The following SLC1A1 variants were observed in gnomAD, a reference collection of about 807,000 sequenced individuals.
The protein encoded by SLC1A1 is solute carrier family 1 member 1.
A neutral mutation model predicts 53.3 loss-of-function variants in SLC1A1; 43 were observed. The ratio of observed to expected loss-of-function variants is 0.81; its 90% CI spans 0.63 to 1.04. The LOEUF is 1.04. Among genes scored for constraint, SLC1A1 ranks in the 50% least tolerant of loss-of-function variants. The pLI, the probability that SLC1A1 is intolerant of heterozygous loss-of-function variation, is 0.00. For missense variants in SLC1A1, 748 were observed against 664.9 expected, an observed-to-expected ratio of 1.12 and a Z score of -1.37; for synonymous variants, 307 against 243.2, an observed-to-expected ratio of 1.26 and a Z score of -2.44.
chr9:4,532,949 T>C lies in SLC1A1; in HGVS notation c.92-11618T>C, dbSNP rs574799711. On this transcript the variant is annotated intron_variant, in intron 1 of 11. Coordinates refer to ENST00000262352, the MANE Select transcript of SLC1A1 (RefSeq NM_004170.6). Reference sequence around the variant, plus strand: ...AAAGAATTTTCAACCCAGAATTTCATATCCAGCCAAACTAAGCTTCATAAG... The same window carrying C: ...AAAGAATTTTCAACCCAGAATTTCACATCCAGCCAAACTAAGCTTCATAAG... 2.6e-3 allele frequency among the ~76,000 whole-genome samples: 389 copies of C among 152,294 alleles called. 3 individuals are homozygous for C. The highest frequency in any genetic ancestry group is 1.5e-3 in the Non-Finnish European group (104 of 68,034).
At chr9:4,530,513 T>C (rs1816428603) in intron 1 of SLC1A1, among the ~76,000 whole-genome samples, 1 of 152,178 alleles carries the variant, frequency 6.6e-6, no homozygotes, top group South Asian at 2.1e-4. Context: ...GCCCAAATCC[T>C]ACCCTAGAGA....
chr9:4,516,491 C>G lies in SLC1A1; in HGVS notation c.91+25721C>G, dbSNP rs1170803052. Among the ~76,000 whole-genome samples the G allele has an allele frequency of 2.0e-5, 3 of 152,186 alleles. No individual in the cohort carries two copies. The East Asian group carries it at 5.8e-4, about 29-fold the overall frequency. ...AAACCACCCTTATCATCTCATCAAA[C>G]CTTTACCCGACCCAAACTATGGATC... On this transcript the variant is annotated intron_variant, in intron 1 of 11. Transcript: ENST00000262352.
chr9:4,539,746 A>AT (rs1220778025), intron 1 of SLC1A1, among the ~76,000 whole-genome samples: 5 of 151,908 alleles, frequency 3.3e-5, no homozygotes, highest in African/African-American at 1.2e-4. Flanking sequence ...TAATTTTTGT[A>AT]TTTTTAGTAG....
At chr9:4,547,444 G>C (rs1272758475) in intron 2 of SLC1A1, among the ~76,000 whole-genome samples, 1 of 152,160 alleles carries the variant, frequency 6.6e-6, no homozygotes, top group Non-Finnish European at 1.5e-5. Context: ...AGATTCAAGG[G>C]ATATGAACAA....
At chr9:4,491,765 G>C (rs1218786676) in intron 1 of SLC1A1, among the ~76,000 whole-genome samples, 2 of 152,120 alleles carry the variant, frequency 1.3e-5, no homozygotes, top group Non-Finnish European at 2.9e-5. Flanking sequence ...TGGATTCCTC[G>C]GCAGGCTCCA....
chr9:4,547,374 C>T (rs1356472117), intron 2 of SLC1A1, among the ~76,000 whole-genome samples: 1 of 152,192 alleles, frequency 6.6e-6, no homozygotes. Flanking sequence ...CAGTCAAGAA[C>T]TAGAGGCAGC....
At chr9:4,585,274 T>A in intron 11 of SLC1A1, 38 bp from the exon 12 acceptor site, 1 of 1,612,138 alleles carries the variant, frequency 6.2e-7, no homozygotes, top group African/African-American at 1.3e-5. Flanking sequence ...GAAAATGAAA[T>A]CTGGGCCTCC....
intron 11 of SLC1A1, among the ~76,000 whole-genome samples, chr9:4,584,275 A>T (rs1564071115): frequency 2.6e-5 from 4 of 152,256 alleles, no homozygotes; most frequent in Non-Finnish European, 5.9e-5. Flanking sequence ...GTGGCCCCTC[A>T]GTAGCTAACT....
chr9:4,574,206 A>G (rs1017519473), intron 8 of SLC1A1, among the ~76,000 whole-genome samples, 192 bp downstream of exon 8: 1 of 152,132 alleles, frequency 6.6e-6, no homozygotes, highest in African/African-American at 2.4e-5. Flanking sequence ...ATGCTGTGCT[A>G]ATTGTCAGCT....
At chr9:4,512,768 AT>A (rs199767308) in intron 1 of SLC1A1, among the ~76,000 whole-genome samples, 2 of 151,694 alleles carry the variant, frequency 1.3e-5, no homozygotes, top group South Asian at 2.1e-4. Flanking sequence ...GGTCTTTTTT[AT>A]TTTTTTTTAA....
intron 2 of SLC1A1, among the ~76,000 whole-genome samples, chr9:4,554,898 C>G (rs1374679816): frequency 6.6e-6 from 1 of 152,204 alleles, no homozygotes; most frequent in Non-Finnish European, 1.5e-5. Context: ...TGCACATCAT[C>G]TTTATCATTT....
chr9:4,524,140 T>C (rs1219786934), intron 1 of SLC1A1, among the ~76,000 whole-genome samples: 2 of 152,230 alleles, frequency 1.3e-5, no homozygotes, highest in African/African-American at 2.4e-5. Context: ...TGTGCATACA[T>C]GGGAATACTT....
intron 6 of SLC1A1, among the ~76,000 whole-genome samples, chr9:4,570,653 G>C (rs1047437275): frequency 1.3e-5 from 2 of 152,154 alleles, no homozygotes; most frequent in Non-Finnish European, 2.9e-5. Context: ...TTACAGGTGT[G>C]AGCCACCGCA....
intron 1 of SLC1A1, among the ~76,000 whole-genome samples, chr9:4,530,788 A>T (rs954143517): frequency 1.3e-5 from 2 of 152,202 alleles, no homozygotes; most frequent in African/African-American, 4.8e-5. Context: ...ATATATTTGG[A>T]TATTAATAAA....
intron 1 of SLC1A1, among the ~76,000 whole-genome samples, chr9:4,500,608 G>A (rs566508717): frequency 2.0e-5 from 3 of 152,242 alleles, no homozygotes; most frequent in South Asian, 4.2e-4. Flanking sequence ...ACTGCACTGC[G>A]CCCAAGAAAC....
intron 9 of SLC1A1, 96 bp from the exon 10 acceptor site, chr9:4,576,473 C>T (rs1820556223): frequency 1.0e-5 from 10 of 980,178 alleles, no homozygotes; most frequent in Non-Finnish European, 9.9e-6. Flanking sequence ...CCTAAAAGGA[C>T]CCTTTGTTTA....
At chr9:4,519,282 A>G (rs541325885) in intron 1 of SLC1A1, among the ~76,000 whole-genome samples, 1 of 152,364 alleles carries the variant, frequency 6.6e-6, no homozygotes, top group Non-Finnish European at 1.5e-5. Flanking sequence ...TAAAATAGCA[A>G]TAATGCATGA....
chr9:4,539,104 A>T (rs1180657353), intron 1 of SLC1A1, among the ~76,000 whole-genome samples: 2 of 152,196 alleles, frequency 1.3e-5, no homozygotes, highest in Non-Finnish European at 2.9e-5. Flanking sequence ...GCTTTCATTT[A>T]AAAAAACAAC....
At position 4,537,590 on chromosome 9, in the gene SLC1A1, AAATAAAAT is replaced by A. The variant is rs1288789213; in HGVS notation, c.92-6974_92-6967del. 8.3e-5 allele frequency among the ~76,000 whole-genome samples: 12 copies of A among 144,676 alleles called. 4 individuals are homozygous for A. The highest frequency in any genetic ancestry group is 1.1e-4 in the Non-Finnish European group (7 of 66,536). The allele number at this position is 144,676 out of a possible 152,430, so 94.9% of individuals were successfully genotyped here. A position where few individuals can be genotyped will look rare whatever the true frequency, so the allele number is the denominator to read the frequency against. On this transcript the variant is annotated intron_variant, in intron 1 of 11. Transcript: ENST00000262352. ...CAAAAAAATAAAATAAAATAAAATA[AAATAAAAT>A]AAAAAAAAAAAAAATCACATGCTAC...
Sources: gnomAD v4.1 joint callset for allele counts (sites outside exome capture counted in the v4.1 genomes callset) on GRCh38, gnomAD v4.1.1 for gene constraint, MANE v1.5 for transcripts, NCBI Gene and HGNC (gene_info 2026-07-23, HGNC 2026-07-21) for gene names.